KLHL4: variants seen among roughly 807,000 people sequenced by gnomAD.
KLHL4 encodes kelch like family member 4, also known as kelch-like protein 4.
Under a neutral mutation model 45.8 loss-of-function variants are expected in KLHL4, and 17 were observed. The ratio of observed to expected loss-of-function variants is 0.37; its 90% CI spans 0.25 to 0.56. The LOEUF is 0.56. KLHL4 is among the 20% of genes least tolerant of loss of function. The pLI, the probability that KLHL4 is intolerant of heterozygous loss-of-function variation, is 0.79. For missense variants in KLHL4, 544 were observed against 544.9 expected (o/e 1.00, Z 0.02); for synonymous variants, 224 against 189.9 (o/e 1.18, Z -1.47).
At chrX:87,567,636 G>T (rs747837293) in intron 1 of KLHL4, among the ~76,000 whole-genome samples, 1 of 112,063 alleles carries the variant, frequency 8.9e-6, no homozygotes, top group South Asian at 3.7e-4. Flanking sequence ...AAAAAGAATG[G>T]AAATCATGTC....
At position 87,518,308 on chromosome X, in the gene KLHL4, A is replaced by G. The variant is rs781128337; in HGVS notation, c.415A>G (p.Thr139Ala). ...MMADDNIEDS[T>A]ARLDTQHSED... Reference sequence around the variant, plus strand: ...GGCTGATGACAATATAGAAGATTCTACAGCAAGGTAAGAGTTTTTGGTCGC... The same window carrying G: ...GGCTGATGACAATATAGAAGATTCTGCAGCAAGGTAAGAGTTTTTGGTCGC... The change falls in exon 1 of 11, where the codon ACA becomes GCA. Residue 139 changes from threonine (T) to alanine (A), a missense_variant. Coordinates refer to ENST00000373119, the MANE Select transcript of KLHL4 (RefSeq NM_019117.5). 2 of 1,202,637 alleles carry G rather than the reference A, an allele frequency of 1.7e-6. No individual in the cohort carries two copies. Among genetic ancestry groups the G allele is most frequent in the South Asian group, 3.6e-5 (2 of 56,226 alleles).
rs768699530 is a variant in KLHL4 at position 87,518,159 on chromosome X, A to G, written c.266A>G (p.Gln89Arg). ...GPAPAHQRAV[Q>R]NLQQHNLIVH... ...GCCCCTGCCCATCAGAGAGCCGTTC[A>G]GAATTTGCAGCAACATAATCTGATA... is the stretch of plus-strand genomic sequence containing the variant. Residue 89 changes from glutamine (Q) to arginine (R), a missense_variant, in exon 1 of 11, where the codon CAG becomes CGG. Physicochemically the swap from Gln to Arg is conservative, Grantham distance 43. Transcript: ENST00000373119. 2 of 1,210,597 alleles carry G rather than the reference A, an allele frequency of 1.7e-6. No homozygotes were observed. Among genetic ancestry groups the G allele is most frequent in the African/African-American group, 1.7e-5 (1 of 57,363 alleles).
chrX:87,581,458 T>A (rs1274517841), intron 1 of KLHL4, among the ~76,000 whole-genome samples: 1 of 112,264 alleles, frequency 8.9e-6, no homozygotes, highest in Non-Finnish European at 1.9e-5. Context: ...CTCCTACAGG[T>A]GCGTTCAGTC....
chrX:87,600,533 TTCTC>T (rs1423905544), intron 1 of KLHL4, among the ~76,000 whole-genome samples: 2 of 111,095 alleles, frequency 1.8e-5, no homozygotes, highest in Non-Finnish European at 3.8e-5. Flanking sequence ...CGACAACTCT[TTCTC>T]TCTCTTGCTC....
At chrX:87,632,104 C>T in intron 6 of KLHL4, 106 bp from the exon 7 acceptor site, 1 of 468,758 alleles carries the variant, frequency 2.1e-6, no homozygotes, top group Non-Finnish European at 3.6e-6. Flanking sequence ...ATTGTAATCA[C>T]TGATACTGTG....
chrX:87,614,000 T>C lies in KLHL4; in HGVS notation c.546T>C (p.Cys182=). The part of the protein sequence containing the change: ...MENYLKEKQL[C]DVLLIAGHLR... ...ACTACTTGAAAGAGAAACAACTATG[T>C]GATGTGCTACTGATTGCAGGACACC... Residue 182 remains cysteine (C), a synonymous_variant, in exon 2 of 11, where the codon TGT becomes TGC. Coordinates refer to ENST00000373119, the MANE Select transcript of KLHL4 (RefSeq NM_019117.5). 1 of 1,208,436 alleles carries C rather than the reference T, an allele frequency of 8.3e-7. No homozygotes were observed. The highest frequency in any genetic ancestry group is 1.8e-5 in the South Asian group (1 of 56,398).
chrX:87,656,764 T>G (rs1336935998), intron 9 of KLHL4, among the ~76,000 whole-genome samples: 1 of 111,668 alleles, frequency 9.0e-6, no homozygotes, highest in African/African-American at 3.3e-5. Context: ...AACGCCCTGT[T>G]CTTTTATACT....
intron 9 of KLHL4, among the ~76,000 whole-genome samples, chrX:87,652,145 C>T (rs1325784531): frequency 8.9e-6 from 1 of 112,604 alleles, no homozygotes; most frequent in East Asian, 2.8e-4. Context: ...ACAGCTGGAG[C>T]AGCTGTAATT....
chrX:87,545,648 C>G (rs1416514777), intron 1 of KLHL4, among the ~76,000 whole-genome samples: 1 of 111,818 alleles, frequency 8.9e-6, no homozygotes, highest in East Asian at 2.8e-4. Flanking sequence ...GAGTGAGGTA[C>G]TGCCATAAAG....
At chrX:87,577,465 G>A (rs1160605566) in intron 1 of KLHL4, among the ~76,000 whole-genome samples, 1 of 111,677 alleles carries the variant, frequency 9.0e-6, no homozygotes, top group African/African-American at 3.2e-5. Context: ...TCCTACGCAT[G>A]ATGTTAACAT....
chrX:87,578,611 C>G (rs1162906927), intron 1 of KLHL4, among the ~76,000 whole-genome samples: 2 of 112,266 alleles, frequency 1.8e-5, no homozygotes, highest in African/African-American at 3.2e-5. Flanking sequence ...ATAAGAAAAG[C>G]AATATTAATT....
intron 1 of KLHL4, among the ~76,000 whole-genome samples, chrX:87,522,401 G>A (rs1931020030): frequency 8.9e-6 from 1 of 111,998 alleles, no homozygotes; most frequent in Admixed American, 9.5e-5. Context: ...GCCAAGCATG[G>A]AGCACTTTAC....
At chrX:87,542,793 G>A (rs1931590686) in intron 1 of KLHL4, among the ~76,000 whole-genome samples, 1 of 111,992 alleles carries the variant, frequency 8.9e-6, no homozygotes, top group Admixed American at 9.5e-5. Context: ...ATGCTAGAAT[G>A]AGTTAAGACT....
rs1038702046 is a variant in KLHL4, at chrX:87,667,818, A to G, written c.*1284A>G. 4.5e-6 allele frequency: 3 copies of G among 662,298 alleles called. No individual in the cohort carries two copies. The African/African-American group carries it at 7.2e-5, about 16-fold the overall frequency. The allele number at this position is 662,298 out of a possible 1,213,427, so 54.6% of individuals were successfully genotyped here. On this transcript the variant is annotated 3_prime_UTR_variant, in exon 11 of 11. Coordinates refer to ENST00000373119, the MANE Select transcript of KLHL4 (RefSeq NM_019117.5). Reference sequence around the variant, plus strand: ...TGTGGATTGTGAAATCAAAATCTGGAGAAATGCTTATAAAATATACTACTA... The same window carrying G: ...TGTGGATTGTGAAATCAAAATCTGGGGAAATGCTTATAAAATATACTACTA...
At chrX:87,602,010 CA>C (rs201094767) in intron 1 of KLHL4, among the ~76,000 whole-genome samples, 3,639 of 106,518 alleles carry the variant, frequency 0.034, 64 homozygotes, top group Non-Finnish European at 0.052. Flanking sequence ...TCGTTTTTAA[CA>C]AAAAAAGTCT....
chrX:87,534,177 C>T (rs1358941893), intron 1 of KLHL4, among the ~76,000 whole-genome samples: 1 of 111,450 alleles, frequency 9.0e-6, no homozygotes, highest in Non-Finnish European at 1.9e-5. Context: ...AATGTAGCTA[C>T]TCCTGGGACA....
intron 1 of KLHL4, among the ~76,000 whole-genome samples, chrX:87,570,921 C>T (rs1932324014): frequency 9.0e-6 from 1 of 110,683 alleles, no homozygotes; most frequent in Non-Finnish European, 1.9e-5. Flanking sequence ...ATGATGAATG[C>T]TGTCATTTCA....
intron 1 of KLHL4, among the ~76,000 whole-genome samples, chrX:87,541,496 A>AC (rs1931559327): frequency 9.7e-6 from 1 of 103,527 alleles, no homozygotes. Context: ...ATCTCACAAA[A>AC]AAAAAAAAAA....
In KLHL4 at chrX:87,637,954, TA is replaced by T. The variant is rs1224899481; in HGVS notation, c.1925+2182del. ...ACAGAGCGAGACTCCATTGAAAAAA[TA>T]AATAAATAAATACACACATACATAA... is the stretch of plus-strand genomic sequence containing the variant. On this transcript the variant is annotated intron_variant, in intron 9 of 10. Coordinates refer to ENST00000373119, the MANE Select transcript of KLHL4 (RefSeq NM_019117.5). 2.7e-5 allele frequency among the ~76,000 whole-genome samples: 3 copies of T among 110,212 alleles called. No homozygotes were observed. The Admixed American group carries it at 2.9e-4, about 11-fold the overall frequency.
Sources: gnomAD v4.1 joint callset for allele counts (sites outside exome capture counted in the v4.1 genomes callset) on GRCh38, gnomAD v4.1.1 for gene constraint, MANE v1.5 for transcripts, NCBI Gene and HGNC (gene_info 2026-07-23, HGNC 2026-07-21) for gene names.